Variants in BTBD3 observed in about 807,000 individuals in gnomAD.
BTBD3 encodes BTB/POZ domain-containing protein 3.
BTBD3 carries 14 observed loss-of-function variants against 41.6 expected under a neutral mutation model. The observed-to-expected ratio is 0.34, with a 90% CI of 0.22 to 0.53. The LOEUF is 0.53. Ranked by LOEUF, BTBD3 falls within the 20% of genes least tolerant of loss-of-function variation. The probability of loss-of-function intolerance (pLI) is 0.95; values close to 1 mark genes in which losing one functional copy is unlikely to be tolerated. For missense variants in BTBD3, 426 were observed against 654.7 expected (o/e 0.65, Z 3.81); for synonymous variants, 249 against 233.7 (o/e 1.07, Z -0.60).
rs561972168 is a variant in BTBD3, at chr20:11,902,099, C to T, written c.-126+11145C>T. ...AAATCCATGTGTAACTTTTGACTCA[C>T]AAAAACTTAACTAATAGCTTACTGT... is the stretch of plus-strand genomic sequence containing the variant. On this transcript the variant is annotated intron_variant, in intron 1 of 4. Transcript: ENST00000254977. 2.0e-5 allele frequency among the ~76,000 whole-genome samples: 3 copies of T among 151,846 alleles called. No individual in the cohort carries two copies. In the South Asian group the frequency reaches 6.2e-4, roughly 32 times the overall value.
intron 1 of BTBD3, among the ~76,000 whole-genome samples, chr20:11,897,761 T>TGGGGGA (rs2056796669): frequency 6.6e-6 from 1 of 152,228 alleles, no homozygotes; most frequent in African/African-American, 2.4e-5. Flanking sequence ...CTGCTTAACA[T>TGGGGGA]CAGAGTGATC....
intron 1 of BTBD3, among the ~76,000 whole-genome samples, chr20:11,912,833 C>T (rs978636490): frequency 1.1e-4 from 17 of 152,198 alleles, no homozygotes; most frequent in Non-Finnish European, 7.3e-5. Context: ...TTGTTGTTAG[C>T]TCTTGCTTTT....
rs1252851484 is a variant in BTBD3, at chr20:11,924,953, G to A, written c.*1287G>A. The stretch of plus-strand genomic sequence containing the variant: ...TTGTCCACAGATAATGTAAACAAAG[G>A]AGGGAAAAACTTATTAAATTCTCCT... On this transcript the variant is annotated 3_prime_UTR_variant, in exon 4 of 4. Coordinates refer to ENST00000378226, the MANE Select transcript of BTBD3 (RefSeq NM_014962.4). 6.6e-6 allele frequency: 1 copy of A among 152,662 alleles called. No homozygotes were observed. Among genetic ancestry groups the A allele is most frequent in the Non-Finnish European group, 1.5e-5 (1 of 68,050 alleles). 9.5% of individuals were successfully genotyped at this position (152,662 alleles called of 1,614,324 possible).
intron 1 of BTBD3, chr20:11,910,044 G>C (rs2056879830): frequency 6.6e-6 from 1 of 152,172 alleles, no homozygotes; most frequent in African/African-American, 2.4e-5. Context: ...AATCAGGACT[G>C]ATGTAGAATA....
At chr20:11,916,913 C>CA (rs1299965229), upstream of BTBD3, among the ~76,000 whole-genome samples, 1 of 151,908 alleles carries the variant, frequency 6.6e-6, no homozygotes, top group East Asian at 1.9e-4. Context: ...TTTTACTCAC[C>CA]AACGCTAGAA....
chr20:11,903,071 T>C (rs1216947918), intron 1 of BTBD3, among the ~76,000 whole-genome samples: 1 of 152,200 alleles, frequency 6.6e-6, no homozygotes, highest in African/African-American at 2.4e-5. Flanking sequence ...TTAAATAAAA[T>C]GTTATTTAGA....
intron 1 of BTBD3, among the ~76,000 whole-genome samples, chr20:11,908,320 G>GTTTTTTTTTT (rs2056868506): frequency 4.4e-5 from 1 of 22,828 alleles, no homozygotes; most frequent in Non-Finnish European, 1.3e-4. Context: ...GCTTCTCTGT[G>GTTTTTTTTTT]GTTTTTTTTT....
At chr20:11,922,529 C>A in intron 3 of BTBD3, 105 bp from the exon 4 acceptor site, 1 of 926,322 alleles carries the variant, frequency 1.1e-6, no homozygotes, top group Non-Finnish European at 1.7e-6. Context: ...TTAACTGTCA[C>A]ATAAGATGAT....
intron 1 of BTBD3, among the ~76,000 whole-genome samples, chr20:11,897,584 G>T (rs1435991267): frequency 1.4e-5 from 2 of 146,420 alleles, no homozygotes; most frequent in Non-Finnish European, 3.0e-5. Context: ...CTGCTGTTCT[G>T]TCTTCAAAAT....
chr20:11,904,923 A>C, intron 1 of BTBD3, among the ~76,000 whole-genome samples: 1 of 152,326 alleles, frequency 6.6e-6, no homozygotes, highest in Non-Finnish European at 1.5e-5. Context: ...TGGATCTTTT[A>C]CCAATGCATG....
At chr20:11,895,983 G>T (rs1431470133) in intron 1 of BTBD3, among the ~76,000 whole-genome samples, 5 of 152,152 alleles carry the variant, frequency 3.3e-5, no homozygotes, top group African/African-American at 1.2e-4. Flanking sequence ...CTTCTAGAAA[G>T]ATCTCTTACT....
At chr20:11,903,645 T>G (rs191178562) in intron 1 of BTBD3, among the ~76,000 whole-genome samples, 224 of 152,202 alleles carry the variant, frequency 1.5e-3, no homozygotes, top group Admixed American at 2.1e-3. Context: ...TTCGCTCTTG[T>G]TGCCCAGGCT....
chr20:11,900,519 G>T (rs1568608566), intron 1 of BTBD3, among the ~76,000 whole-genome samples: 1 of 151,758 alleles, frequency 6.6e-6, no homozygotes, highest in Non-Finnish European at 1.5e-5. Flanking sequence ...TTTGAAAGTG[G>T]CGGTCTTGCC....
intron 1 of BTBD3, among the ~76,000 whole-genome samples, chr20:11,908,320 G>GTTTTTTTT (rs2056868506): frequency 2.2e-4 from 5 of 22,860 alleles, no homozygotes; most frequent in Non-Finnish European, 5.1e-4. Flanking sequence ...GCTTCTCTGT[G>GTTTTTTTT]GTTTTTTTTT....
Position 11,922,996 on chromosome 20 carries a change from A to G in BTBD3, c.899A>G (p.Gln300Arg). ...TGGGCTGAAGTAGAATGCCAACGACAAGATCTGGCGTTGAGCATTGAAAAT... is the reference window on the plus strand; with the variant it reads ...TGGGCTGAAGTAGAATGCCAACGACGAGATCTGGCGTTGAGCATTGAAAAT... ...LNWAEVECQRQDLALSIENKR... is the reference protein window; with the variant it reads ...LNWAEVECQRRDLALSIENKR... The change falls in exon 4 of 4, where the codon CAA (glutamine) becomes CGA (arginine). Residue 300 changes from glutamine (Q) to arginine (R), a missense_variant. Physicochemically the swap from Gln to Arg is conservative, Grantham distance 43. Around this residue, in one of 3 missense-constraint regions of BTBD3, gnomAD observed 321 missense variants for 534.8 expected, o/e 0.60. Transcript: ENST00000378226. 1.9e-6 allele frequency: 3 copies of G among 1,614,220 alleles called. No homozygotes were observed. Among genetic ancestry groups the G allele is most frequent in the South Asian group, 2.2e-5 (2 of 91,082 alleles).
At chr20:11,891,079 G>T (rs2056748787) in intron 1 of BTBD3, 11 of 665,388 alleles carry the variant, frequency 1.7e-5, no homozygotes, top group Non-Finnish European at 2.0e-5. Context: ...GAGAGGCCGG[G>T]CTGGTGGCCG....
intron 1 of BTBD3, among the ~76,000 whole-genome samples, chr20:11,894,003 C>T (rs1321279255): frequency 3.3e-5 from 5 of 152,134 alleles, no homozygotes; most frequent in African/African-American, 1.2e-4. Context: ...TGTTGTTTTA[C>T]GTATTATTTT....
chr20:11,922,164 A>T (rs1393427934), intron 3 of BTBD3, among the ~76,000 whole-genome samples: 1 of 152,216 alleles, frequency 6.6e-6, no homozygotes, highest in Non-Finnish European at 1.5e-5. Flanking sequence ...ACTTGGAACT[A>T]TTTGGAAAAT....
chr20:11,904,737 G>C (rs993988134), intron 1 of BTBD3, among the ~76,000 whole-genome samples: 1 of 152,144 alleles, frequency 6.6e-6, no homozygotes, highest in Non-Finnish European at 1.5e-5. Flanking sequence ...CAGATGTATA[G>C]CTGGAAAAGA....
Sources: allele counts gnomAD v4.1 joint callset (sites outside exome capture counted in the v4.1 genomes callset), GRCh38; gene constraint gnomAD v4.1.1; regional missense constraint gnomAD v4.1.1; transcripts MANE v1.5; gene names NCBI Gene and HGNC (gene_info 2026-07-23, HGNC 2026-07-21).